The following PIK3C2G variants were observed in gnomAD, a reference collection of about 807,000 sequenced individuals.
PIK3C2G encodes phosphatidylinositol 3-kinase C2 domain-containing subunit gamma.
In PIK3C2G, 168 loss-of-function variants were observed where a neutral mutation model predicts 181.1. The ratio of observed to expected loss-of-function variants is 0.93; its 90% CI spans 0.82 to 1.05. The LOEUF (loss-of-function observed/expected upper bound fraction) is 1.05. Ranked by LOEUF, PIK3C2G falls within the 50% of genes least tolerant of loss-of-function variation. The probability of loss-of-function intolerance (pLI) is 0.00; values close to 1 mark genes in which losing one functional copy is unlikely to be tolerated. For missense variants in PIK3C2G, 1,869 were observed against 1,732.8 expected (o/e 1.08, Z -1.40); for synonymous variants, 573 against 592.2 (o/e 0.97, Z 0.47).
At chr12:18,321,372 G>A (rs1951099764) in intron 7 of PIK3C2G, among the ~76,000 whole-genome samples, 1 of 152,126 alleles carries the variant, frequency 6.6e-6, no homozygotes. Context: ...TTAATACTTC[G>A]AAGGTAACCA....
At chr12:18,433,613 T>G (rs1450105980) in intron 18 of PIK3C2G, among the ~76,000 whole-genome samples, 1 of 152,228 alleles carries the variant, frequency 6.6e-6, no homozygotes, top group Non-Finnish European at 1.5e-5. Context: ...AATAACTGAG[T>G]AATCTACTTA....
intron 1 of PIK3C2G, among the ~76,000 whole-genome samples, chr12:18,273,320 C>G (rs1032266331): frequency 1.3e-5 from 2 of 152,024 alleles, no homozygotes; most frequent in Admixed American, 1.3e-4. Flanking sequence ...CTGTTCTGTT[C>G]CATTGGTCTA....
At chr12:18,382,010 G>A (rs577892643) in intron 14 of PIK3C2G, 130 bp downstream of exon 14, 2 of 648,610 alleles carry the variant, frequency 3.1e-6, no homozygotes, top group East Asian at 5.5e-5. Context: ...CCAGCCTTCT[G>A]GGATTTGTGA....
intron 5 of PIK3C2G, among the ~76,000 whole-genome samples, chr12:18,304,739 G>T (rs1384632601): frequency 6.6e-6 from 1 of 152,160 alleles, no homozygotes; most frequent in Non-Finnish European, 1.5e-5. Context: ...TGGGGAAGAA[G>T]AGTCTTTTTT....
At chr12:18,510,936 A>T (rs535916719) in intron 24 of PIK3C2G, among the ~76,000 whole-genome samples, 2 of 152,244 alleles carry the variant, frequency 1.3e-5, no homozygotes, top group African/African-American at 4.8e-5. Flanking sequence ...CTAAAAGTCT[A>T]TTCCTACTGT....
At chr12:18,316,913 G>C (rs1950887690) in intron 6 of PIK3C2G, among the ~76,000 whole-genome samples, 1 of 151,876 alleles carries the variant, frequency 6.6e-6, no homozygotes, top group African/African-American at 2.4e-5. Flanking sequence ...GGATTCAGGG[G>C]ATGCAACTGA....
chr12:18,389,061 A>C (rs975264697), intron 14 of PIK3C2G, among the ~76,000 whole-genome samples: 3 of 152,196 alleles, frequency 2.0e-5, no homozygotes, highest in Non-Finnish European at 2.9e-5. Context: ...TCCTTTCAAA[A>C]GAAATTTGAA....
chr12:18,620,246 C>A (rs1948791544), intron 31 of PIK3C2G, among the ~76,000 whole-genome samples: 1 of 149,906 alleles, frequency 6.7e-6, no homozygotes, highest in African/African-American at 2.5e-5. Flanking sequence ...GTATTAAAAT[C>A]TCTCTAATTT....
rs1592216625 is a variant in PIK3C2G at position 18,421,005 on chromosome 12, CT to C, written c.2381del (p.Leu794HisfsTer8). ...ATTAGACAACCTCTTGAATGATGAA[CT>C]ACTGGAATATCTCCCACAGCTAGTT... ...QQLDNLLNDELLEYLPQLVQA... is the reference protein window; with the variant it reads ...QQLDNLLNDEXLEYLPQLVQA... On this transcript the variant is annotated frameshift_variant, in exon 17 of 33. Transcript: ENST00000538779. LOFTEE classifies it high-confidence loss of function. The C allele has an allele frequency of 3.7e-6, 6 of 1,601,904 alleles. No homozygotes were observed. In the African/African-American group the frequency reaches 8.0e-5, roughly 21 times the overall value.
chr12:18,381,776 C>T lies in PIK3C2G; in HGVS notation c.1891C>T (p.Leu631Phe). The change falls in exon 14 of 33, where the codon CTC becomes TTC. Residue 631 changes from leucine (L) to phenylalanine (F), a missense_variant. Coordinates refer to ENST00000538779, the MANE Select transcript of PIK3C2G (RefSeq NM_001288772.2). ...LPLFPKEKSI[L>F]GSMLFSMTLQ... ...TGTTGTCTTTTGCAGAAAATCCATT[C>T]TCGGGTCTATGCTGTTCAGCATGAC... 1.2e-6 allele frequency: 2 copies of T among 1,606,740 alleles called. No individual in the cohort carries two copies. The highest frequency in any genetic ancestry group is 1.7e-6 in the Non-Finnish European group (2 of 1,173,504).
intron 31 of PIK3C2G, among the ~76,000 whole-genome samples, chr12:18,637,058 C>T (rs1412269582): frequency 6.6e-6 from 1 of 152,130 alleles, no homozygotes; most frequent in Non-Finnish European, 1.5e-5. Context: ...ATCACCTGAC[C>T]TCTATAAGCC....
In PIK3C2G at chr12:18,538,235, G is replaced by C. The variant is rs1422893244; in HGVS notation, c.3403G>C (p.Asp1135His). The C allele has an allele frequency of 6.2e-7, 1 of 1,612,316 alleles. No homozygotes were observed. Among genetic ancestry groups the C allele is most frequent in the Admixed American group, 1.7e-5 (1 of 59,778 alleles). Reference protein sequence around the residue: ...EGGKNPQHFQDFVELCCRAYN... With the variant: ...EGGKNPQHFQHFVELCCRAYN... Reference sequence around the variant, plus strand: ...TGGGAAAAACCCACAGCATTTTCAAGATTTTGTGGAACTTTGCTGTCGTGC... The same window carrying C: ...TGGGAAAAACCCACAGCATTTTCAACATTTTGTGGAACTTTGCTGTCGTGC... Residue 1135 changes from aspartate to histidine, a missense_variant, in exon 25 of 33, where the codon GAT becomes CAT. Asp to His is a moderately conservative substitution (Grantham distance 81). Coordinates refer to ENST00000538779, the MANE Select transcript of PIK3C2G (RefSeq NM_001288772.2).
chr12:18,272,171 T>TTAATG (rs1948771334), intron 1 of PIK3C2G, among the ~76,000 whole-genome samples: 1 of 152,212 alleles, frequency 6.6e-6, no homozygotes, highest in Non-Finnish European at 1.5e-5. Context: ...TATTTTTTAA[T>TTAATG]TAATGTATTC....
At chr12:18,684,131 T>G in the PIK3C2G span, 1 of 1,611,422 alleles carries the variant, frequency 6.2e-7, no homozygotes, top group Admixed American at 1.7e-5. Context: ...GGACATTACC[T>G]TTGTTCATGC....
intron 15 of PIK3C2G, among the ~76,000 whole-genome samples, chr12:18,391,947 G>A (rs1943560621): frequency 6.6e-6 from 1 of 152,040 alleles, no homozygotes. Context: ...CTCCAAGAGT[G>A]AAAATTAATG....
chr12:18,475,519 C>T (rs1272201520), intron 18 of PIK3C2G, among the ~76,000 whole-genome samples: 1 of 151,564 alleles, frequency 6.6e-6, no homozygotes, highest in Non-Finnish European at 1.5e-5. Flanking sequence ...TGATTCTTAG[C>T]TAATGTAACT....
chr12:18,698,046 G>A, the PIK3C2G span, among the ~76,000 whole-genome samples: 4 of 151,796 alleles, frequency 2.6e-5, no homozygotes, highest in African/African-American at 9.7e-5. Flanking sequence ...TGTGCCTACA[G>A]GTCCTGTCCT....
chr12:18,408,021 T>C (rs1438921203), intron 16 of PIK3C2G, among the ~76,000 whole-genome samples: 2 of 152,194 alleles, frequency 1.3e-5, no homozygotes, highest in Non-Finnish European at 2.9e-5. Flanking sequence ...TAAATGATTC[T>C]AAGTAACAGA....
chr12:18,447,980 T>C (rs536789109), intron 18 of PIK3C2G, among the ~76,000 whole-genome samples: 32 of 152,280 alleles, frequency 2.1e-4, no homozygotes, highest in African/African-American at 6.5e-4. Context: ...ATCTTTGTGA[T>C]AGATTCTTCC....
Sources: allele counts gnomAD v4.1 joint callset (sites outside exome capture counted in the v4.1 genomes callset), GRCh38; gene constraint gnomAD v4.1.1; transcripts MANE v1.5; gene names NCBI Gene and HGNC (gene_info 2026-07-23, HGNC 2026-07-21).